Variants in STK3 observed in about 807,000 individuals in gnomAD.
The protein encoded by STK3 is serine/threonine-protein kinase 3.
Under a neutral mutation model 58.0 loss-of-function variants are expected in STK3, and 41 were observed. The observed-to-expected ratio is 0.71, with a 90% confidence interval of 0.55 to 0.92. The LOEUF is 0.92. Ranked by LOEUF, STK3 falls within the 40% of genes least tolerant of loss-of-function variation. The pLI is 0.00. For synonymous variants in STK3, 170 were observed against 191.0 expected, an observed-to-expected ratio of 0.89 and a Z score of 0.91; for missense variants, 479 against 602.7, an observed-to-expected ratio of 0.79 and a Z score of 2.15.
At chr8:98,495,982 T>G (rs951823545) in intron 10 of STK3, among the ~76,000 whole-genome samples, 3 of 152,214 alleles carry the variant, frequency 2.0e-5, no homozygotes, top group African/African-American at 7.2e-5. Flanking sequence ...TTCTTCACAG[T>G]GTAAATTAGT....
chr8:98,932,853 C>A (rs1053839626), intron 1 of STK3, among the ~76,000 whole-genome samples: 6 of 152,186 alleles, frequency 3.9e-5, no homozygotes, highest in African/African-American at 1.4e-4. Context: ...ATCAAGTCAC[C>A]ACTTTTTCCC....
intron 6 of STK3, among the ~76,000 whole-genome samples, chr8:98,696,892 C>T (rs1037109294): frequency 8.5e-4 from 129 of 152,096 alleles, no homozygotes; most frequent in Non-Finnish European, 1.6e-3. Flanking sequence ...AGGGAGGATT[C>T]CCTCTTTTTC....
intron 3 of STK3, among the ~76,000 whole-genome samples, chr8:98,761,041 A>G (rs1466528196): frequency 2.0e-5 from 3 of 152,158 alleles, no homozygotes; most frequent in Non-Finnish European, 4.4e-5. Context: ...TATGGAATCA[A>G]TCTAAGTGTC....
intron 3 of STK3, among the ~76,000 whole-genome samples, chr8:98,764,384 T>C (rs1830815104): frequency 6.6e-6 from 1 of 152,192 alleles, no homozygotes; most frequent in Non-Finnish European, 1.5e-5. Flanking sequence ...AGTATACTGC[T>C]AGGCGCTGAA....
intron 6 of STK3, among the ~76,000 whole-genome samples, chr8:98,703,686 T>C (rs1002881580): frequency 2.0e-5 from 3 of 152,138 alleles, no homozygotes; most frequent in Non-Finnish European, 2.9e-5. Context: ...TTAAATTCCC[T>C]ATAGCCCCAT....
intron 6 of STK3, among the ~76,000 whole-genome samples, chr8:98,700,989 C>G (rs541516517): frequency 6.6e-6 from 1 of 151,942 alleles, no homozygotes; most frequent in Admixed American, 6.6e-5. Context: ...GGTGACACAG[C>G]GAGAATCCAT....
chr8:98,642,638 C>T (rs370921353), intron 6 of STK3, among the ~76,000 whole-genome samples: 253 of 152,282 alleles, frequency 1.7e-3, no homozygotes, highest in African/African-American at 5.8e-3. Context: ...TAGCTGCCCA[C>T]TCCCATAAAG....
At chr8:98,529,778 C>G (rs77035162) in intron 9 of STK3, among the ~76,000 whole-genome samples, 14 of 152,224 alleles carry the variant, frequency 9.2e-5, no homozygotes, top group Non-Finnish European at 1.8e-4. Flanking sequence ...AACAAAAGAA[C>G]AAAATACTGT....
intron 3 of STK3, among the ~76,000 whole-genome samples, chr8:98,846,888 T>C (rs79868689): frequency 6.9e-6 from 1 of 144,848 alleles, no homozygotes; most frequent in African/African-American, 2.7e-5. Flanking sequence ...CACACACACA[T>C]TTTCATATAC....
At chr8:98,655,241 C>A (rs200563772) in intron 6 of STK3, among the ~76,000 whole-genome samples, 1 of 152,156 alleles carries the variant, frequency 6.6e-6, no homozygotes, top group East Asian at 1.9e-4. Flanking sequence ...GGGAAAGGAT[C>A]CCCTATTTAA....
At chr8:98,684,856 T>A (rs190421558) in intron 6 of STK3, among the ~76,000 whole-genome samples, 2 of 152,278 alleles carry the variant, frequency 1.3e-5, no homozygotes, top group African/African-American at 4.8e-5. Flanking sequence ...GGACCACACA[T>A]TTTTTAACGA....
chr8:98,471,646 C>T (rs924941493), intron 10 of STK3, among the ~76,000 whole-genome samples: 2 of 152,132 alleles, frequency 1.3e-5, no homozygotes, highest in Admixed American at 6.6e-5. Flanking sequence ...ACCGTTTCTA[C>T]TGAATGTGTA....
At chr8:98,650,741 G>C (rs556346720) in intron 6 of STK3, among the ~76,000 whole-genome samples, 2 of 152,296 alleles carry the variant, frequency 1.3e-5, no homozygotes, top group South Asian at 2.1e-4. Flanking sequence ...TGATTGCTAG[G>C]ACAGCAGTCT....
intron 6 of STK3, among the ~76,000 whole-genome samples, chr8:98,642,389 A>G (rs993446971): frequency 3.9e-5 from 6 of 152,184 alleles, no homozygotes; most frequent in African/African-American, 1.4e-4. Context: ...ACATGAAGAC[A>G]TTAGTTACCA....
chr8:98,893,431 A>G (rs1838284168), intron 1 of STK3, among the ~76,000 whole-genome samples: 1 of 74,354 alleles, frequency 1.3e-5, no homozygotes, highest in Non-Finnish European at 2.6e-5. Flanking sequence ...GGAAAGAAAG[A>G]AAGAAAGAAA....
intron 8 of STK3, among the ~76,000 whole-genome samples, chr8:98,579,023 C>A (rs769157246): frequency 6.6e-6 from 1 of 151,878 alleles, no homozygotes; most frequent in Admixed American, 6.6e-5. Context: ...TGGTAGTGTG[C>A]GCCTGTAGTC....
At chr8:98,386,594 A>G (rs1354918209) in intron 1 of STK3, among the ~76,000 whole-genome samples, 1 of 152,224 alleles carries the variant, frequency 6.6e-6, no homozygotes, top group Non-Finnish European at 1.5e-5. Flanking sequence ...TAGTGGTTAT[A>G]TATAAAGGAA....
At chr8:98,651,770 G>C (rs1820955487) in intron 6 of STK3, 1 of 152,150 alleles carries the variant, frequency 6.6e-6, no homozygotes, top group Admixed American at 6.5e-5. Flanking sequence ...AGCGAGAAGG[G>C]AAGTTTAGAG....
intron 3 of STK3, among the ~76,000 whole-genome samples, chr8:98,751,764 AC>A (rs1830000268): frequency 6.6e-6 from 1 of 152,034 alleles, no homozygotes; most frequent in Admixed American, 6.6e-5. Flanking sequence ...ACACGGTGAA[AC>A]CCCCATCTCT....
Sources: gnomAD v4.1 joint callset for allele counts (sites outside exome capture counted in the v4.1 genomes callset) on GRCh38, gnomAD v4.1.1 for gene constraint, MANE v1.5 for transcripts, NCBI Gene and HGNC (gene_info 2026-07-23, HGNC 2026-07-21) for gene names.